The following TUSC3 variants were observed in gnomAD, a reference collection of about 807,000 sequenced individuals.
TUSC3 encodes the protein tumor suppressor candidate 3.
A neutral mutation model predicts 44.8 loss-of-function variants in TUSC3; 45 were observed. The ratio of observed to expected loss-of-function variants is 1.00; its 90% CI spans 0.79 to 1.29. The LOEUF (loss-of-function observed/expected upper bound fraction) is 1.29. TUSC3 is among the 50% of genes most tolerant of loss of function. TUSC3 has a pLI of 0.00. For missense variants in TUSC3, 519 were observed against 437.9 expected (o/e 1.19, Z -1.65); for synonymous variants, 212 against 152.9 (o/e 1.39, Z -2.85).
intron 1 of TUSC3, among the ~76,000 whole-genome samples, chr8:15,582,466 T>G (rs1803407738): frequency 6.6e-6 from 1 of 152,226 alleles, no homozygotes; most frequent in African/African-American, 2.4e-5. Flanking sequence ...TTTTGACCAC[T>G]TTGAATATCA....
intron 6 of TUSC3, among the ~76,000 whole-genome samples, chr8:15,707,392 C>A (rs989453454): frequency 5.3e-5 from 8 of 151,878 alleles, no homozygotes; most frequent in African/African-American, 1.9e-4. Context: ...AGAAGAATGT[C>A]TAAGTTTTGT....
At chr8:15,799,531 A>G in the TUSC3 span, among the ~76,000 whole-genome samples, 4 of 151,956 alleles carry the variant, frequency 2.6e-5, no homozygotes, top group African/African-American at 9.7e-5. Flanking sequence ...GCTTCCTGGT[A>G]TTGTCAGCTG....
chr8:15,755,701 T>TA (rs1465103905), intron 9 of TUSC3, among the ~76,000 whole-genome samples: 1 of 151,428 alleles, frequency 6.6e-6, no homozygotes, highest in East Asian at 1.9e-4. Context: ...CACTGGAGCC[T>TA]AAAGGCCATT....
At chr8:15,645,088 A>ATGGTCTCTAACCC (rs1806564681) in intron 2 of TUSC3, among the ~76,000 whole-genome samples, 1 of 152,148 alleles carries the variant, frequency 6.6e-6, no homozygotes, top group South Asian at 2.1e-4. Context: ...CCATTAGAGT[A>ATGGTCTCTAACCC]ACATTGAAAG....
chr8:15,842,024 G>C, the TUSC3 span, among the ~76,000 whole-genome samples: 3 of 152,110 alleles, frequency 2.0e-5, no homozygotes, highest in Non-Finnish European at 2.9e-5. Context: ...GGCAATTTTA[G>C]TGACTTGCTA....
Position 15,528,127 on chromosome 8 carries a change from A to G in TUSC3, n.189+44644A>G, listed in dbSNP as rs765966335. Among the ~76,000 whole-genome samples the G allele has an allele frequency of 6.8e-4, 103 of 152,210 alleles. 1 individual carries two copies. The highest frequency in any genetic ancestry group is 1.3e-3 in the Non-Finnish European group (89 of 68,034). ...CCTTTACCAATAAAACATAATGATT[A>G]ATTATAATTTCAATTAAGCACAATT... On this transcript the variant is annotated intron_variant and non_coding_transcript_variant, in intron 2 of 5. Coordinates refer to the TUSC3 transcript ENST00000503191.
In TUSC3 at chr8:15,541,822, A is replaced by G. The variant is rs553127889; in HGVS notation, c.138+1254A>G. On this transcript the variant is annotated intron_variant, in intron 1 of 10. Coordinates refer to ENST00000503731, the MANE Select transcript of TUSC3 (RefSeq NM_006765.4). Reference sequence around the variant, plus strand: ...TTTAGGAGTTCACGAGAAAGGTAGAAGAGTGAAGAAAAAGTAGACAGTTTT... The same window carrying G: ...TTTAGGAGTTCACGAGAAAGGTAGAGGAGTGAAGAAAAAGTAGACAGTTTT... 9.9e-5 allele frequency among the ~76,000 whole-genome samples: 15 copies of G among 151,902 alleles called. 1 individual carries two copies. Among genetic ancestry groups the G allele is most frequent in the African/African-American group, 3.6e-4 (15 of 41,540 alleles).
the TUSC3 span, among the ~76,000 whole-genome samples, chr8:15,827,703 A>G: frequency 6.6e-6 from 1 of 152,168 alleles, no homozygotes; most frequent in African/African-American, 2.4e-5. Flanking sequence ...ATCTTCATAA[A>G]TTTTATTGGT....
chr8:15,444,040 T>C (rs1333305800), intron 1 of TUSC3, among the ~76,000 whole-genome samples: 1 of 152,214 alleles, frequency 6.6e-6, no homozygotes, highest in African/African-American at 2.4e-5. Context: ...AATAAAACCC[T>C]GGTCTCCCAC....
At chr8:15,428,181 C>G (rs1799829258) in intron 1 of TUSC3, among the ~76,000 whole-genome samples, 2 of 137,932 alleles carry the variant, frequency 1.4e-5, no homozygotes, top group African/African-American at 5.5e-5. Context: ...CATGTGTTCT[C>G]ATTGTTCAAT....
chr8:15,465,924 G>A (rs1253713072), intron 1 of TUSC3, among the ~76,000 whole-genome samples: 4 of 152,084 alleles, frequency 2.6e-5, no homozygotes, highest in Non-Finnish European at 4.4e-5. Context: ...CTAGTTCATC[G>A]TGATATACTC....
intron 1 of TUSC3, among the ~76,000 whole-genome samples, chr8:15,469,253 A>G (rs1043412897): frequency 1.3e-5 from 2 of 152,236 alleles, no homozygotes; most frequent in South Asian, 2.1e-4. Context: ...AATATTTGCA[A>G]AAGACACATC....
intron 1 of TUSC3, among the ~76,000 whole-genome samples, chr8:15,588,302 G>A (rs1011972354): frequency 2.6e-5 from 4 of 152,100 alleles, no homozygotes; most frequent in African/African-American, 9.7e-5. Flanking sequence ...GCTTTTCCCT[G>A]ATGATCAGTG....
chr8:15,818,178 TA>T, the TUSC3 span, among the ~76,000 whole-genome samples: 1 of 152,200 alleles, frequency 6.6e-6, no homozygotes, highest in East Asian at 1.9e-4. Context: ...ACAAACTTTT[TA>T]AAAGTTTTCC....
intron 6 of TUSC3, among the ~76,000 whole-genome samples, chr8:15,680,390 T>C (rs1257775110): frequency 2.0e-5 from 3 of 152,024 alleles, no homozygotes; most frequent in Non-Finnish European, 4.4e-5. Context: ...GTTCTTGATT[T>C]GGTTCTTGAC....
chr8:15,440,714 G>A (rs1444636633), intron 1 of TUSC3, among the ~76,000 whole-genome samples: 3 of 152,142 alleles, frequency 2.0e-5, no homozygotes, highest in African/African-American at 7.2e-5. Context: ...ATGTCAGTGT[G>A]AACTTCTCTA....
chr8:15,744,886 G>A (rs1291814775), intron 8 of TUSC3, among the ~76,000 whole-genome samples: 1 of 151,948 alleles, frequency 6.6e-6, no homozygotes, highest in Non-Finnish European at 1.5e-5. Context: ...GTTTAGGTAA[G>A]GATCTCATCA....
intron 2 of TUSC3, among the ~76,000 whole-genome samples, chr8:15,528,510 T>C (rs901226288): frequency 6.6e-6 from 1 of 152,228 alleles, no homozygotes; most frequent in Non-Finnish European, 1.5e-5. Context: ...ACTTCAAATA[T>C]ACTGTGAAGT....
In TUSC3 at chr8:15,480,984, A is replaced by T. The variant is rs145819554; in HGVS notation, n.92-2402A>T. ...GTGGGGCCTTCAGGCAAGGTGGCTCACGCCTGTAATTCCAGCACTTTGGGA... is the reference window on the plus strand; with the variant it reads ...GTGGGGCCTTCAGGCAAGGTGGCTCTCGCCTGTAATTCCAGCACTTTGGGA... On this transcript the variant is annotated intron_variant and non_coding_transcript_variant, in intron 1 of 5. Transcript: ENST00000503191. 4.2e-3 allele frequency among the ~76,000 whole-genome samples: 634 copies of T among 152,300 alleles called. 2 individuals are homozygous for T. The highest frequency in any genetic ancestry group is 0.014 in the African/African-American group (592 of 41,568).
Sources: allele counts gnomAD v4.1 joint callset (sites outside exome capture counted in the v4.1 genomes callset), GRCh38; gene constraint gnomAD v4.1.1; transcripts MANE v1.5; gene names NCBI Gene and HGNC (gene_info 2026-07-23, HGNC 2026-07-21).